The following RHBDL2 variants were observed in gnomAD, a reference collection of about 807,000 sequenced individuals.
The protein encoded by RHBDL2 is rhomboid like 2.
RHBDL2 carries 26 observed loss-of-function variants against 31.7 expected under a neutral mutation model. The observed-to-expected ratio is 0.82, with a 90% confidence interval of 0.60 to 1.14. The LOEUF (loss-of-function observed/expected upper bound fraction) is 1.14. RHBDL2 is among the 50% of genes most tolerant of loss of function. The probability of loss-of-function intolerance (pLI) is 0.00; values close to 1 mark genes in which losing one functional copy is unlikely to be tolerated. For missense variants in RHBDL2, 336 were observed against 364.4 expected (o/e 0.92, Z 0.63); for synonymous variants, 123 against 127.2 (o/e 0.97, Z 0.22).
At chr1:38,890,839 C>T (rs1310859776) in intron 6 of RHBDL2, among the ~76,000 whole-genome samples, 1 of 152,038 alleles carries the variant, frequency 6.6e-6, no homozygotes, top group Non-Finnish European at 1.5e-5. Context: ...TAGCTGGAAC[C>T]ACAGGCCCAC....
chr1:38,900,959 C>T (rs535166953), intron 4 of RHBDL2, among the ~76,000 whole-genome samples: 5 of 151,106 alleles, frequency 3.3e-5, no homozygotes, highest in Non-Finnish European at 7.4e-5. Context: ...CAGGCAGGAG[C>T]ACCGCTTGAA....
intron 4 of RHBDL2, among the ~76,000 whole-genome samples, chr1:38,908,452 C>G (rs982312679): frequency 7.4e-6 from 1 of 135,462 alleles, no homozygotes; most frequent in Non-Finnish European, 1.5e-5. Flanking sequence ...GTGGAGGTTG[C>G]TGTGAGCTGA....
At chr1:38,910,400 A>ATC (rs1301221986) in intron 4 of RHBDL2, among the ~76,000 whole-genome samples, 1 of 152,186 alleles carries the variant, frequency 6.6e-6, no homozygotes, top group Non-Finnish European at 1.5e-5. Context: ...CTGCATGTAA[A>ATC]TCTACAATTA....
chr1:38,893,825 G>A (rs1286191117), intron 5 of RHBDL2, among the ~76,000 whole-genome samples: 1 of 151,936 alleles, frequency 6.6e-6, no homozygotes, highest in Admixed American at 6.6e-5. Context: ...CTGCAGCCTC[G>A]AACTCCTGGA....
chr1:38,928,749 TA>T lies in RHBDL2; in HGVS notation c.-125-9413del, dbSNP rs200627446. 1.0e-3 allele frequency among the ~76,000 whole-genome samples: 156 copies of T among 150,798 alleles called. 1 individual carries two copies. Among genetic ancestry groups the T allele is most frequent in the Middle Eastern group, 3.4e-3 (1 of 290 alleles). On this transcript the variant is annotated intron_variant, in intron 1 of 7. Transcript: ENST00000372990. ...GCATGAACCACTGTGCCTGGCCATG[TA>T]AAAAAAAAATTTTAAATAAAAAATA...
intron 1 of RHBDL2, among the ~76,000 whole-genome samples, chr1:38,921,866 T>C (rs968517111): frequency 6.6e-6 from 1 of 152,188 alleles, no homozygotes; most frequent in Non-Finnish European, 1.5e-5. Context: ...CCACAAATAT[T>C]AAAGCATTTT....
intron 1 of RHBDL2, among the ~76,000 whole-genome samples, chr1:38,920,429 A>G (rs1357210904): frequency 6.6e-6 from 1 of 151,660 alleles, no homozygotes; most frequent in Non-Finnish European, 1.5e-5. Context: ...CGGCCTCCCA[A>G]AGTGTTGGGA....
chr1:38,907,426 G>A (rs1643082430), intron 4 of RHBDL2, among the ~76,000 whole-genome samples: 1 of 152,176 alleles, frequency 6.6e-6, no homozygotes, highest in Non-Finnish European at 1.5e-5. Flanking sequence ...TGTAATCCCA[G>A]CTACTCAGGA....
chr1:38,912,438 C>T (rs1643161883), intron 3 of RHBDL2, among the ~76,000 whole-genome samples: 1 of 151,386 alleles, frequency 6.6e-6, no homozygotes, highest in Non-Finnish European at 1.5e-5. Context: ...GGGTTTCACT[C>T]CCTTCACCCA....
chr1:38,911,640 GTGTGT>G lies in RHBDL2; in HGVS notation c.396-211_396-207del, dbSNP rs1357278104. 1.5e-4 allele frequency among the ~76,000 whole-genome samples: 9 copies of G among 59,916 alleles called. 1 individual carries two copies. Among genetic ancestry groups the G allele is most frequent in the Non-Finnish European group, 2.5e-4 (5 of 20,022 alleles). 39.3% of individuals were successfully genotyped at this position (59,916 alleles called of 152,430 possible). A position where few individuals can be genotyped will look rare whatever the true frequency, so the allele number is the denominator to read the frequency against. On this transcript the variant is annotated intron_variant, in intron 3 of 7. Coordinates refer to ENST00000372990, the MANE Select transcript of RHBDL2 (RefSeq NM_017821.5). ...TGTGTGTGTGTGTGTGTGTGTGTGT[GTGTGT>G]GCGCGCGCGCGCGCGTGTGTGACTT...
At chr1:38,939,725 A>G (rs1294946245) in intron 1 of RHBDL2, among the ~76,000 whole-genome samples, 1 of 152,076 alleles carries the variant, frequency 6.6e-6, no homozygotes, top group African/African-American at 2.4e-5. Flanking sequence ...TATTTTTTGT[A>G]GAGAAGAGGT....
chr1:38,937,503 T>C (rs1469435726), intron 1 of RHBDL2, among the ~76,000 whole-genome samples: 1 of 152,060 alleles, frequency 6.6e-6, no homozygotes, highest in African/African-American at 2.4e-5. Flanking sequence ...GACAAGCAGA[T>C]GACTTTTAGG....
intron 4 of RHBDL2, among the ~76,000 whole-genome samples, chr1:38,904,690 T>C (rs1281158644): frequency 7.6e-6 from 1 of 131,934 alleles, no homozygotes. Context: ...CATATATATT[T>C]ATATATATAT....
chr1:38,937,576 G>A (rs1208384056), intron 1 of RHBDL2, among the ~76,000 whole-genome samples: 1 of 152,048 alleles, frequency 6.6e-6, no homozygotes, highest in Non-Finnish European at 1.5e-5. Context: ...CTGTGCCCCC[G>A]CATCCCCAGT....
At chr1:38,929,835 C>T (rs902697817) in intron 1 of RHBDL2, among the ~76,000 whole-genome samples, 4 of 152,218 alleles carry the variant, frequency 2.6e-5, no homozygotes, top group African/African-American at 9.7e-5. Context: ...TCTGTGGTTA[C>T]AGCCTGAAAG....
intron 1 of RHBDL2, among the ~76,000 whole-genome samples, chr1:38,933,379 C>A (rs1643458769): frequency 1.3e-5 from 2 of 152,198 alleles, no homozygotes; most frequent in Admixed American, 6.5e-5. Context: ...TGCTCTACTA[C>A]ATTTCCCCAC....
chr1:38,896,519 G>A (rs569470686), intron 4 of RHBDL2, among the ~76,000 whole-genome samples: 4 of 152,056 alleles, frequency 2.6e-5, no homozygotes, highest in Admixed American at 1.3e-4. Context: ...AAGTAATTGC[G>A]GTTTTGCCAT....
chr1:38,933,163 C>T (rs1643456772), intron 1 of RHBDL2, among the ~76,000 whole-genome samples: 1 of 152,150 alleles, frequency 6.6e-6, no homozygotes, highest in Non-Finnish European at 1.5e-5. Context: ...CTCCCAACGA[C>T]TCAGTGCTGC....
At chr1:38,929,581 G>A in intron 1 of RHBDL2, 3 of 1,285,802 alleles carry the variant, frequency 2.3e-6, no homozygotes, top group African/African-American at 1.5e-5. Flanking sequence ...ATTGGTACCA[G>A]GCAGGCCCCT....
Sources: allele counts gnomAD v4.1 joint callset (sites outside exome capture counted in the v4.1 genomes callset), GRCh38; gene constraint gnomAD v4.1.1; transcripts MANE v1.5; gene names NCBI Gene and HGNC (gene_info 2026-07-23, HGNC 2026-07-21).